GPC6: variants seen among roughly 807,000 people sequenced by gnomAD.
GPC6 encodes the protein glypican-6.
In GPC6, 14 loss-of-function variants were observed where a neutral mutation model predicts 55.2. The ratio of observed to expected loss-of-function variants is 0.25; its 90% CI spans 0.17 to 0.40. The LOEUF (loss-of-function observed/expected upper bound fraction) is 0.40. Among genes scored for constraint, GPC6 ranks in the 10% least tolerant of loss-of-function variants. The pLI, the probability that GPC6 is intolerant of heterozygous loss-of-function variation, is 1.00. For missense variants in GPC6, 641 were observed against 708.5 expected (o/e 0.90, Z 1.08); for synonymous variants, 278 against 259.6 (o/e 1.07, Z -0.68).
intron 1 of GPC6, among the ~76,000 whole-genome samples, chr13:93,367,868 G>A (rs533865615): frequency 1.3e-5 from 2 of 151,996 alleles, no homozygotes; most frequent in East Asian, 3.9e-4. Context: ...ATCCATATTG[G>A]CATATATTCT....
chr13:93,726,091 CTT>C (rs1465162866), intron 2 of GPC6, among the ~76,000 whole-genome samples: 5 of 140,952 alleles, frequency 3.5e-5, no homozygotes, highest in African/African-American at 8.0e-5. Context: ...AAAATAAAGA[CTT>C]TTTCCTTCAT....
At chr13:94,226,572 G>A (rs1406163606) in intron 4 of GPC6, among the ~76,000 whole-genome samples, 1 of 151,974 alleles carries the variant, frequency 6.6e-6, no homozygotes, top group Non-Finnish European at 1.5e-5. Context: ...GGTACCTGAG[G>A]CTCTTTTCTA....
chr13:93,300,943 C>T (rs556827577), intron 1 of GPC6, among the ~76,000 whole-genome samples: 7 of 152,068 alleles, frequency 4.6e-5, no homozygotes, highest in Middle Eastern at 3.4e-3. Flanking sequence ...CATTTGAACC[C>T]GGGAGGCAGA....
chr13:93,646,829 G>A (rs937134407), intron 2 of GPC6, among the ~76,000 whole-genome samples: 2 of 149,420 alleles, frequency 1.3e-5, no homozygotes, highest in African/African-American at 4.9e-5. Flanking sequence ...GAAATAATTA[G>A]ATTTTTTGGT....
At chr13:93,765,232 T>TTGTCTGGAAAGATAACTTTCCAGATAAGC (rs1566523955) in intron 2 of GPC6, among the ~76,000 whole-genome samples, 1 of 94,734 alleles carries the variant, frequency 1.1e-5, no homozygotes, top group African/African-American at 4.1e-5. Context: ...AAAAGATAAA[T>TTGTCTGGAAAGATAACTTTCCAGATAAGC]TGTCTGGAAA....
At chr13:94,142,883 C>T (rs1413693535) in intron 4 of GPC6, among the ~76,000 whole-genome samples, 1 of 150,720 alleles carries the variant, frequency 6.6e-6, no homozygotes, top group Non-Finnish European at 1.5e-5. Flanking sequence ...GGCTGGAGTG[C>T]AGTGGCACGA....
At chr13:94,087,098 T>C (rs1220403605) in intron 4 of GPC6, among the ~76,000 whole-genome samples, 4 of 152,204 alleles carry the variant, frequency 2.6e-5, no homozygotes, top group Admixed American at 1.3e-4. Context: ...CTTTATGAAA[T>C]ATTGTGAAGA....
intron 1 of GPC6, among the ~76,000 whole-genome samples, chr13:93,273,590 G>A (rs1190771395): frequency 4.6e-5 from 7 of 151,988 alleles, no homozygotes; most frequent in African/African-American, 1.4e-4. Flanking sequence ...CCCGGGAGGC[G>A]GAGCTTGCAG....
intron 2 of GPC6, among the ~76,000 whole-genome samples, chr13:93,699,340 A>G (rs1882590081): frequency 6.6e-6 from 1 of 152,166 alleles, no homozygotes; most frequent in African/African-American, 2.4e-5. Flanking sequence ...AGATCAAGCT[A>G]TAGGCTCTGT....
At chr13:93,512,736 T>C (rs1881030274) in intron 1 of GPC6, among the ~76,000 whole-genome samples, 1 of 152,094 alleles carries the variant, frequency 6.6e-6, no homozygotes, top group African/African-American at 2.4e-5. Context: ...TGTGAGGTTA[T>C]GTGGTAACTG....
At chr13:93,556,402 G>A (rs201065063) in intron 2 of GPC6, among the ~76,000 whole-genome samples, 1,232 of 109,204 alleles carry the variant, frequency 0.011, 10 homozygotes, top group African/African-American at 0.033. Flanking sequence ...GTGTATGTAT[G>A]TATATGTATA....
chr13:94,017,091 C>T (rs757385575), intron 3 of GPC6, among the ~76,000 whole-genome samples: 15 of 152,156 alleles, frequency 9.9e-5, no homozygotes, highest in Admixed American at 6.5e-5. Context: ...CCTTGGCCTC[C>T]CAAAGTGCTG....
chr13:94,390,638 T>A (rs1366300047), intron 7 of GPC6, among the ~76,000 whole-genome samples: 1 of 152,166 alleles, frequency 6.6e-6, no homozygotes, highest in African/African-American at 2.4e-5. Flanking sequence ...CCCACCCCCA[T>A]GATCCAATCA....
intron 5 of GPC6, among the ~76,000 whole-genome samples, chr13:94,304,747 G>A (rs1875851872): frequency 6.6e-6 from 1 of 152,168 alleles, no homozygotes; most frequent in Admixed American, 6.5e-5. Context: ...AAATCACTGT[G>A]GAAAAGAACT....
intron 4 of GPC6, among the ~76,000 whole-genome samples, chr13:94,212,160 T>A (rs1473514806): frequency 6.6e-6 from 1 of 152,214 alleles, no homozygotes; most frequent in African/African-American, 2.4e-5. Flanking sequence ...CATAGGCCTG[T>A]TAGTCCCATA....
chr13:94,132,134 C>G (rs1887025024), intron 4 of GPC6, among the ~76,000 whole-genome samples: 1 of 152,158 alleles, frequency 6.6e-6, no homozygotes, highest in South Asian at 2.1e-4. Context: ...TGGTTTTTCA[C>G]GTAGGGTGTT....
At chr13:94,359,568 C>T (rs1015049500) in intron 6 of GPC6, among the ~76,000 whole-genome samples, 3 of 152,020 alleles carry the variant, frequency 2.0e-5, no homozygotes, top group African/African-American at 7.3e-5. Flanking sequence ...ACATAAGGCT[C>T]GTCAAAGAAG....
At chr13:93,947,481 T>C (rs933807347) in intron 3 of GPC6, among the ~76,000 whole-genome samples, 10 of 152,176 alleles carry the variant, frequency 6.6e-5, no homozygotes, top group African/African-American at 1.7e-4. Flanking sequence ...AAACAGTTGA[T>C]GGATAGATAC....
chr13:93,972,785 C>T (rs748392287), intron 3 of GPC6, among the ~76,000 whole-genome samples: 2 of 152,134 alleles, frequency 1.3e-5, no homozygotes, highest in Non-Finnish European at 2.9e-5. Flanking sequence ...ATGCAAATTC[C>T]AGGTGCTTGG....
Sources: gnomAD v4.1 joint callset for allele counts (sites outside exome capture counted in the v4.1 genomes callset) on GRCh38, gnomAD v4.1.1 for gene constraint, MANE v1.5 for transcripts, NCBI Gene and HGNC (gene_info 2026-07-23, HGNC 2026-07-21) for gene names.